QTMAN: variants seen among roughly 807,000 people sequenced by gnomAD.
QTMAN encodes queuosine-tRNA mannosyltransferase.
At chr2:144,310,410 T>C in the QTMAN span, among the ~76,000 whole-genome samples, 7 of 152,334 alleles carry the variant, frequency 4.6e-5, no homozygotes, top group African/African-American at 1.7e-4. Flanking sequence ...CTTTACCTTT[T>C]ACATTAAGTG....
chr2:144,171,017 G>T, the QTMAN span, among the ~76,000 whole-genome samples: 1 of 152,026 alleles, frequency 6.6e-6, no homozygotes, highest in Non-Finnish European at 1.5e-5. Context: ...GAATTAAATA[G>T]CAGTACCACT....
the QTMAN span, among the ~76,000 whole-genome samples, chr2:144,082,331 CACA>C: frequency 1.3e-5 from 2 of 152,156 alleles, no homozygotes; most frequent in South Asian, 4.1e-4. Flanking sequence ...CTTAGCCCAG[CACA>C]ACATTTGGCT....
the QTMAN span, among the ~76,000 whole-genome samples, chr2:143,958,137 A>G: frequency 8.6e-5 from 13 of 151,946 alleles, no homozygotes; most frequent in Non-Finnish European, 1.8e-4. Context: ...GCAGACTACT[A>G]TTTAGAGTTC....
At chr2:144,133,530 A>G in the QTMAN span, among the ~76,000 whole-genome samples, 2 of 92,552 alleles carry the variant, frequency 2.2e-5, no homozygotes, top group East Asian at 5.6e-4. Context: ...ATAAATAAAT[A>G]TATATAAAGA....
the QTMAN span, among the ~76,000 whole-genome samples, chr2:143,957,880 G>T: frequency 6.6e-6 from 1 of 152,088 alleles, no homozygotes; most frequent in African/African-American, 2.4e-5. Context: ...AAATAACAAA[G>T]AAATATGTGT....
chr2:143,941,187 C>A, the QTMAN span: 1 of 152,094 alleles, frequency 6.6e-6, no homozygotes, highest in African/African-American at 2.4e-5. Flanking sequence ...CTCCTCAGGC[C>A]CCAGTTTCCT....
chr2:144,285,593 C>T, the QTMAN span, among the ~76,000 whole-genome samples: 1 of 152,142 alleles, frequency 6.6e-6, no homozygotes, highest in Admixed American at 6.5e-5. Flanking sequence ...TTCAGTACAC[C>T]TAATGTAACA....
chr2:143,939,476 T>C, the QTMAN span: 1 of 152,230 alleles, frequency 6.6e-6, no homozygotes, highest in Admixed American at 6.5e-5. Flanking sequence ...TTTTGGTCTT[T>C]AAGTTTTTTG....
the QTMAN span, among the ~76,000 whole-genome samples, chr2:144,052,944 C>T: frequency 2.6e-5 from 4 of 152,224 alleles, no homozygotes; most frequent in East Asian, 1.9e-4. Flanking sequence ...CCACCACGCC[C>T]GGCCTATTTT....
At chr2:144,142,024 C>A in the QTMAN span, 795 of 1,610,920 alleles carry the variant, frequency 4.9e-4, 3 homozygotes, top group African/African-American at 9.4e-3. Context: ...ATATTAAAAA[C>A]TGAGTTGAAT....
At chr2:144,225,621 CCTG>C in the QTMAN span, among the ~76,000 whole-genome samples, 2 of 152,134 alleles carry the variant, frequency 1.3e-5, no homozygotes, top group Non-Finnish European at 2.9e-5. Flanking sequence ...AAATACTGCT[CCTG>C]CTGTTTCTCC....
the QTMAN span, among the ~76,000 whole-genome samples, chr2:144,307,782 C>G: frequency 6.6e-6 from 1 of 152,150 alleles, no homozygotes; most frequent in South Asian, 2.1e-4. Flanking sequence ...TAATAAAAGA[C>G]ACAAGAGATT....
chr2:144,325,392 C>T, the QTMAN span, among the ~76,000 whole-genome samples: 1 of 151,978 alleles, frequency 6.6e-6, no homozygotes. Flanking sequence ...CTCTGGATTC[C>T]TGTGTAGCAA....
At chr2:144,113,694 C>T in the QTMAN span, among the ~76,000 whole-genome samples, 1 of 152,172 alleles carries the variant, frequency 6.6e-6, no homozygotes, top group Admixed American at 6.5e-5. Context: ...CAGAAAAATT[C>T]TTGAAAGCAG....
chr2:144,045,880 C>T, the QTMAN span, among the ~76,000 whole-genome samples: 1 of 152,176 alleles, frequency 6.6e-6, no homozygotes. Flanking sequence ...GTCATGTTAG[C>T]TCCAGCAAAA....
the QTMAN span, among the ~76,000 whole-genome samples, chr2:144,284,795 C>T: frequency 2.0e-5 from 3 of 152,174 alleles, no homozygotes; most frequent in Non-Finnish European, 4.4e-5. Flanking sequence ...CACTTTAGGA[C>T]GCCGTGGAGT....
the QTMAN span, among the ~76,000 whole-genome samples, chr2:144,063,833 A>G: frequency 6.6e-6 from 1 of 152,236 alleles, no homozygotes; most frequent in Non-Finnish European, 1.5e-5. Flanking sequence ...CATGAAAATT[A>G]GCATCTAAGC....
At chr2:144,185,763 A>G in the QTMAN span, among the ~76,000 whole-genome samples, 1 of 152,182 alleles carries the variant, frequency 6.6e-6, no homozygotes, top group Non-Finnish European at 1.5e-5. Context: ...AGCAGGAGTT[A>G]GCTGTTTTCT....
chr2:144,071,083 A>G, the QTMAN span, among the ~76,000 whole-genome samples: 1 of 152,198 alleles, frequency 6.6e-6, no homozygotes, highest in Admixed American at 6.6e-5. Flanking sequence ...AGTTTCATTT[A>G]ATAGCAGGTA....
Sources: gnomAD v4.1 joint callset for allele counts (sites outside exome capture counted in the v4.1 genomes callset) on GRCh38, gnomAD v4.1.1 for gene constraint, MANE v1.5 for transcripts, NCBI Gene and HGNC (gene_info 2026-07-23, HGNC 2026-07-21) for gene names.